The following HNRNPC variants were observed in gnomAD, a reference collection of about 807,000 sequenced individuals.
HNRNPC encodes the protein heterogeneous nuclear ribonucleoproteins C1/C2.
Under a neutral mutation model 33.2 loss-of-function variants are expected in HNRNPC, and 3 were observed. The ratio of observed to expected loss-of-function variants is 0.09; its 90% CI spans 0.04 to 0.23. HNRNPC has a LOEUF of 0.23. Among genes scored for constraint, HNRNPC ranks in the 10% least tolerant of loss-of-function variants. The pLI, the probability that HNRNPC is intolerant of heterozygous loss-of-function variation, is 1.00. For synonymous variants in HNRNPC, 121 were observed against 126.7 expected, an observed-to-expected ratio of 0.96 and a Z score of 0.30; for missense variants, 143 against 366.7, an observed-to-expected ratio of 0.39 and a Z score of 4.98.
intron 2 of HNRNPC, among the ~76,000 whole-genome samples, chr14:21,239,671 C>A (rs867184508): frequency 6.6e-6 from 1 of 152,082 alleles, no homozygotes. Context: ...GACAGGAGTT[C>A]GAGACCAGCC....
At chr14:21,232,657 G>A (rs1437340490) in intron 3 of HNRNPC, among the ~76,000 whole-genome samples, 4 of 152,106 alleles carry the variant, frequency 2.6e-5, no homozygotes, top group South Asian at 4.1e-4. Context: ...ATGAGCCACC[G>A]AACCTGGCCA....
At chr14:21,224,500 G>C (rs1893194154) in intron 5 of HNRNPC, among the ~76,000 whole-genome samples, 1 of 152,062 alleles carries the variant, frequency 6.6e-6, no homozygotes, top group Non-Finnish European at 1.5e-5. Context: ...CAAAATCTCA[G>C]CTTTTGACTA....
At chr14:21,257,315 T>C (rs1877390806) in intron 2 of HNRNPC, among the ~76,000 whole-genome samples, 1 of 151,708 alleles carries the variant, frequency 6.6e-6, no homozygotes, top group South Asian at 2.1e-4. Flanking sequence ...GACTGAACCA[T>C]GGGGCACTCC....
chr14:21,227,026 A>G (rs929724360), intron 5 of HNRNPC, among the ~76,000 whole-genome samples: 10 of 152,130 alleles, frequency 6.6e-5, no homozygotes, highest in African/African-American at 1.9e-4. Context: ...GTTACCATTT[A>G]AAATAAAAAT....
At chr14:21,228,987 A>T (rs1415366349) in intron 5 of HNRNPC, among the ~76,000 whole-genome samples, 2 of 150,004 alleles carry the variant, frequency 1.3e-5, no homozygotes, top group African/African-American at 4.9e-5. Flanking sequence ...TGGGAGGCTG[A>T]GGCAGGAGAA....
chr14:21,260,489 AG>A (rs1357453744), intron 2 of HNRNPC, among the ~76,000 whole-genome samples: 2 of 151,916 alleles, frequency 1.3e-5, no homozygotes, highest in Non-Finnish European at 2.9e-5. Flanking sequence ...AGGGTTAGTT[AG>A]GTAACCATTT....
chr14:21,225,921 A>T (rs1162844636), intron 5 of HNRNPC, among the ~76,000 whole-genome samples: 2 of 152,138 alleles, frequency 1.3e-5, no homozygotes, highest in Non-Finnish European at 2.9e-5. Flanking sequence ...GTTTATATCT[A>T]GATATAGTTT....
chr14:21,232,097 C>T (rs1393338818), intron 3 of HNRNPC, among the ~76,000 whole-genome samples: 1 of 152,142 alleles, frequency 6.6e-6, no homozygotes, highest in East Asian at 1.9e-4. Flanking sequence ...AGGGAAACAA[C>T]CCTGGTTTTC....
intron 1 of HNRNPC, chr14:21,268,716 T>A (rs1232750796): frequency 6.6e-6 from 1 of 152,260 alleles, no homozygotes; most frequent in African/African-American, 2.4e-5. Flanking sequence ...TATATCACAA[T>A]ATTTCCTTTT....
At chr14:21,265,339 C>G (rs1374131865) in intron 1 of HNRNPC, 1 of 152,140 alleles carries the variant, frequency 6.6e-6, no homozygotes, top group Admixed American at 6.5e-5. Flanking sequence ...CAACCACAAC[C>G]AAGTCCTTTG....
Position 21,210,784 on chromosome 14 carries a change from G to C in HNRNPC, c.*439C>G, listed in dbSNP as rs1444807975. The C allele has an allele frequency of 5.6e-6, 1 of 177,386 alleles. No homozygotes were observed. Among genetic ancestry groups the C allele is most frequent in the Non-Finnish European group, 1.2e-5 (1 of 82,232 alleles). The allele number at this position is 177,386 out of a possible 1,614,324, so 11.0% of individuals were successfully genotyped here. A position where few individuals can be genotyped will look rare whatever the true frequency, so the allele number is the denominator to read the frequency against. ...CCACACAGCACACTAATGTGAGGGT[G>C]TAACACACATACTTCTAACTCAAAG... On this transcript the variant is annotated 3_prime_UTR_variant, in exon 9 of 9. Transcript: ENST00000553300.
intron 1 of HNRNPC, among the ~76,000 whole-genome samples, chr14:21,266,307 G>A (rs1594347516): frequency 6.6e-6 from 1 of 151,830 alleles, no homozygotes; most frequent in Admixed American, 6.6e-5. Flanking sequence ...CACCATGTTG[G>A]CCAGGCTGGT....
intron 5 of HNRNPC, among the ~76,000 whole-genome samples, chr14:21,216,661 A>C (rs576522556): frequency 6.6e-6 from 1 of 152,034 alleles, no homozygotes; most frequent in Non-Finnish European, 1.5e-5. Flanking sequence ...ATGAGTCAAG[A>C]TCCCACCACT....
At chr14:21,213,218 C>T in intron 5 of HNRNPC, 101 bp from the exon 6 acceptor site, 6 of 1,212,444 alleles carry the variant, frequency 4.9e-6, no homozygotes, top group Admixed American at 2.8e-5. Context: ...TGTCTCTAGT[C>T]GTTTCCTTTT....
At chr14:21,251,580 G>C (rs1341938758) in intron 2 of HNRNPC, among the ~76,000 whole-genome samples, 2 of 152,048 alleles carry the variant, frequency 1.3e-5, no homozygotes, top group African/African-American at 4.8e-5. Flanking sequence ...TACTTGGGAG[G>C]ATGAGGCAGG....
chr14:21,212,897 G>C (rs1891773620), intron 6 of HNRNPC, 63 bp downstream of exon 6: 1 of 1,579,884 alleles, frequency 6.3e-7, no homozygotes, highest in African/African-American at 1.3e-5. Context: ...TATTGTAACT[G>C]CATTAGCTTC....
chr14:21,253,995 G>C (rs1896955838), intron 2 of HNRNPC, among the ~76,000 whole-genome samples: 1 of 150,722 alleles, frequency 6.6e-6, no homozygotes, highest in African/African-American at 2.4e-5. Flanking sequence ...ATGAACCCGG[G>C]AGAGGGAGCT....
intron 3 of HNRNPC, 142 bp from the exon 4 acceptor site, chr14:21,231,214 A>C: frequency 1.3e-6 from 1 of 769,606 alleles, no homozygotes; most frequent in Non-Finnish European, 2.2e-6. Flanking sequence ...GGCTCACTGA[A>C]ACCTCTACCT....
chr14:21,222,613 C>T (rs1434411899), intron 5 of HNRNPC, among the ~76,000 whole-genome samples: 1 of 152,156 alleles, frequency 6.6e-6, no homozygotes, highest in Admixed American at 6.5e-5. Context: ...GCTGCTATGG[C>T]CGGGCCTAGT....
Sources: gnomAD v4.1 joint callset for allele counts (sites outside exome capture counted in the v4.1 genomes callset) on GRCh38, gnomAD v4.1.1 for gene constraint, MANE v1.5 for transcripts, NCBI Gene and HGNC (gene_info 2026-07-23, HGNC 2026-07-21) for gene names.